Variants in MOK observed in about 807,000 individuals in gnomAD.
MOK encodes MAPK/MAK/MRK overlapping kinase.
Under a neutral mutation model 54.2 loss-of-function variants are expected in MOK, and 59 were observed. That is an observed-to-expected ratio of 1.09 (90% CI 0.88 to 1.35). The LOEUF (loss-of-function observed/expected upper bound fraction) is 1.35, where lower values mean the gene tolerates loss of function less well. Among genes scored for constraint, MOK ranks in the 40% most tolerant of loss-of-function variants. The pLI, the probability that MOK is intolerant of heterozygous loss-of-function variation, is 0.00. For synonymous variants in MOK, 210 were observed against 202.7 expected (o/e 1.04, Z -0.31); for missense variants, 517 against 526.2 (o/e 0.98, Z 0.17).
chr14:102,245,327 C>G lies in MOK; in HGVS notation c.590+5485G>C, dbSNP rs1340343362. Among the ~76,000 whole-genome samples the G allele has an allele frequency of 6.6e-6, 1 of 151,970 alleles. No homozygotes were observed. On this transcript the variant is annotated intron_variant, in intron 7 of 11. Coordinates refer to ENST00000361847, the MANE Select transcript of MOK (RefSeq NM_014226.3). The surrounding 1 kb of genome is among the most constrained non-coding windows in gnomAD (Gnocchi z 4.3). ...CGCCCATTATCTCTTCATACCACCC[C>G]CCCAAAAATTTTCACTGCCCCAACA...
intron 7 of MOK, 22 bp from the exon 8 acceptor site, chr14:102,233,811 T>G: frequency 6.4e-7 from 1 of 1,569,646 alleles, no homozygotes; most frequent in East Asian, 2.2e-5. Context: ...GAAGGGGCAC[T>G]GTGGTCAGTG....
intron 1 of MOK, among the ~76,000 whole-genome samples, chr14:102,297,613 C>T (rs923621317): frequency 2.0e-5 from 3 of 152,228 alleles, no homozygotes; most frequent in African/African-American, 4.8e-5. Context: ...CCTCCCTGGG[C>T]TGGCCGGGGC....
chr14:102,225,127 C>G (rs1353483794), downstream of MOK: 2 of 259,180 alleles, frequency 7.7e-6, no homozygotes, highest in Non-Finnish European at 1.5e-5. Flanking sequence ...GTGGTGCGAT[C>G]ATAGCTCATT....
At chr14:102,301,310 A>G (rs925831882) in intron 1 of MOK, among the ~76,000 whole-genome samples, 1 of 152,190 alleles carries the variant, frequency 6.6e-6, no homozygotes, top group African/African-American at 2.4e-5. Context: ...AAAAAGTAAC[A>G]TGCCTGAAGC....
intron 1 of MOK, among the ~76,000 whole-genome samples, chr14:102,303,358 C>G (rs2072453809): frequency 6.6e-6 from 1 of 152,112 alleles, no homozygotes; most frequent in Admixed American, 6.6e-5. Context: ...TCAGACAAAT[C>G]CAAATTGAGC....
intron 2 of MOK, among the ~76,000 whole-genome samples, chr14:102,266,211 A>AT (rs1254123496): frequency 1.3e-5 from 2 of 152,188 alleles, no homozygotes; most frequent in Non-Finnish European, 2.9e-5. Flanking sequence ...ACTTATGATT[A>AT]ATTAATAAGA....
Position 102,250,948 on chromosome 14 carries a change from C to T in MOK, c.454G>A (p.Val152Ile), listed in dbSNP as rs1473896907. 2 of 1,614,122 alleles carry T rather than the reference C, an allele frequency of 1.2e-6. No homozygotes were observed. Among genetic ancestry groups the T allele is most frequent in the Middle Eastern group, 1.7e-4 (1 of 6,060 alleles). The change falls in exon 7 of 12, where the codon GTC (valine) becomes ATC (isoleucine). Residue 152 changes from valine to isoleucine, a missense_variant. Transcript: ENST00000361847. ...KLGDFGSCRS[V>I]YSKQPYTEYI... ...TCCGTGTACGGCTGCTTGGAATAGA[C>T]ACTCCGGCAGGAGCCAAAGTCCCCT...
At chr14:102,255,020 A>T (rs1383400080) in intron 4 of MOK, among the ~76,000 whole-genome samples, 1 of 152,234 alleles carries the variant, frequency 6.6e-6, no homozygotes, top group Admixed American at 6.5e-5. Context: ...TCCAATCTTC[A>T]TAATCACCTA....
chr14:102,302,845 C>A (rs1000043280), intron 1 of MOK, among the ~76,000 whole-genome samples: 3 of 151,192 alleles, frequency 2.0e-5, no homozygotes, highest in Middle Eastern at 6.9e-3. Flanking sequence ...AAAGTGATGC[C>A]TCTAGGTAGT....
the MOK span, among the ~76,000 whole-genome samples, chr14:102,219,244 A>G: frequency 2.7e-4 from 41 of 152,208 alleles, no homozygotes; most frequent in Non-Finnish European, 7.3e-5. Flanking sequence ...TCTCTTTTGA[A>G]TGGCGCTTTT....
chr14:102,285,970 T>C (rs954139907), intron 1 of MOK, among the ~76,000 whole-genome samples: 8 of 152,096 alleles, frequency 5.3e-5, no homozygotes, highest in Non-Finnish European at 2.9e-5. Context: ...ATAGTCTCTT[T>C]GGAGGGCAAT....
downstream of MOK, among the ~76,000 whole-genome samples, chr14:102,221,655 G>C (rs1175733867): frequency 1.3e-5 from 2 of 152,220 alleles, no homozygotes; most frequent in African/African-American, 4.8e-5. The surrounding 1 kb of genome is among the most constrained non-coding windows in gnomAD (Gnocchi z 4.8). Context: ...ATTTCAGGTG[G>C]AAGGTAAGAA....
intron 1 of MOK, among the ~76,000 whole-genome samples, chr14:102,297,185 A>G (rs141268045): frequency 0.019 from 2,865 of 152,010 alleles, 56 homozygotes; most frequent in South Asian, 0.096. Context: ...GTGAAACCCC[A>G]TCTCTACTAA....
Position 102,231,431 on chromosome 14 carries a change from A to G in MOK, c.981+276T>C. The G allele has an allele frequency of 2.8e-6, 1 of 359,854 alleles. No individual in the cohort carries two copies. Among genetic ancestry groups the G allele is most frequent in the Non-Finnish European group, 5.1e-6 (1 of 196,378 alleles). 22.3% of individuals were successfully genotyped at this position (359,854 alleles called of 1,614,324 possible). Reference sequence around the variant, plus strand: ...ATATGGTCATCAGGACAGACACAAAAGTTCATGCAAACATCCCCTCTCTGG... The same window carrying G: ...ATATGGTCATCAGGACAGACACAAAGGTTCATGCAAACATCCCCTCTCTGG... On this transcript the variant is annotated intron_variant, in intron 10 of 11. Coordinates refer to ENST00000361847, the MANE Select transcript of MOK (RefSeq NM_014226.3). This position sits in a 1 kb window ranked among gnomAD's most constrained non-coding sequence, Gnocchi z 4.4.
At chr14:102,287,370 G>A (rs141841704) in intron 1 of MOK, among the ~76,000 whole-genome samples, 2,849 of 152,256 alleles carry the variant, frequency 0.019, 57 homozygotes, top group South Asian at 0.095. Flanking sequence ...TTGGGAGGCC[G>A]AGACGGGCAG....
downstream of MOK, among the ~76,000 whole-genome samples, chr14:102,228,543 C>G (rs1284659495): frequency 1.3e-5 from 2 of 151,770 alleles, no homozygotes; most frequent in African/African-American, 2.4e-5. Context: ...ACTAAAAATA[C>G]AAAAAAATCA....
At chr14:102,219,621 T>C (rs1464350750), downstream of MOK, among the ~76,000 whole-genome samples, 1 of 152,234 alleles carries the variant, frequency 6.6e-6, no homozygotes, top group African/African-American at 2.4e-5. Context: ...ACGGGCGGGC[T>C]CCAGGGAGTC....
At chr14:102,255,509 C>T (rs558925090) in intron 4 of MOK, among the ~76,000 whole-genome samples, 105 of 152,148 alleles carry the variant, frequency 6.9e-4, no homozygotes, top group Non-Finnish European at 1.2e-3. Flanking sequence ...TCCCTATTCA[C>T]AGCCCTAGGG....
At chr14:102,239,072 A>G (rs1182548846) in intron 7 of MOK, among the ~76,000 whole-genome samples, 4 of 152,178 alleles carry the variant, frequency 2.6e-5, no homozygotes, top group African/African-American at 4.8e-5. Flanking sequence ...AAGAGAAATC[A>G]TCCCTAGCTT....
Sources: gnomAD v4.1 joint callset for allele counts (sites outside exome capture counted in the v4.1 genomes callset) on GRCh38, gnomAD v4.1.1 for gene constraint, Gnocchi (gnomAD v3.1) non-coding constraint, MANE v1.5 for transcripts, NCBI Gene and HGNC (gene_info 2026-07-23, HGNC 2026-07-21) for gene names.